Variants in SLIT3 observed in about 807,000 individuals in gnomAD.
The protein encoded by SLIT3 is slit homolog 3 protein.
Under a neutral mutation model 184.0 loss-of-function variants are expected in SLIT3, and 68 were observed. That is an observed-to-expected ratio of 0.37 (90% CI 0.30 to 0.45). The LOEUF (loss-of-function observed/expected upper bound fraction) is 0.45. SLIT3 is among the 20% of genes least tolerant of loss of function. The pLI is 1.00. For synonymous variants in SLIT3, 831 were observed against 828.6 expected, an observed-to-expected ratio of 1.00 and a Z score of -0.05; for missense variants, 1,707 against 2,026.0, an observed-to-expected ratio of 0.84 and a Z score of 3.02.
At chr5:169,251,702 T>A (rs1441043152) in intron 1 of SLIT3, among the ~76,000 whole-genome samples, 1 of 152,166 alleles carries the variant, frequency 6.6e-6, no homozygotes, top group Non-Finnish European at 1.5e-5. Flanking sequence ...CTTCTTTAGG[T>A]AACAAATTTT....
chr5:168,832,479 G>A (rs982785855), intron 6 of SLIT3, among the ~76,000 whole-genome samples: 3 of 152,204 alleles, frequency 2.0e-5, no homozygotes, highest in Non-Finnish European at 2.9e-5. Flanking sequence ...TTTACTGAAT[G>A]GGCTGGCGAA....
Position 169,185,211 on chromosome 5 carries a change from C to T in SLIT3, c.413+8268G>A, listed in dbSNP as rs115452718. 8.9e-3 allele frequency among the ~76,000 whole-genome samples: 1,356 copies of T among 152,288 alleles called. 20 individuals are homozygous for T. Among genetic ancestry groups the T allele is most frequent in the African/African-American group, 0.03 (1,260 of 41,560 alleles). ...GATGACATGTGCCATAAAGCAAACA[C>T]AAGGCTGGCCTCACTGCAGTGTTCA... is the stretch of plus-strand genomic sequence containing the variant. On this transcript the variant is annotated intron_variant, in intron 4 of 35. Transcript: ENST00000519560.
chr5:168,817,547 C>G, intron 7 of SLIT3, 84 bp from the exon 8 acceptor site: 6 of 1,298,692 alleles, frequency 4.6e-6, no homozygotes, highest in Non-Finnish European at 4.4e-6. Flanking sequence ...GACCAAAACC[C>G]CTGTTGCCCC....
chr5:169,180,075 G>A (rs78641792), intron 4 of SLIT3, among the ~76,000 whole-genome samples: 9,339 of 152,256 alleles, frequency 0.061, 387 homozygotes, highest in Non-Finnish European at 0.082. Flanking sequence ...CTTGTAGACA[G>A]TGACCAATGA....
At chr5:169,000,615 A>G (rs1320585690) in intron 4 of SLIT3, among the ~76,000 whole-genome samples, 1 of 152,204 alleles carries the variant, frequency 6.6e-6, no homozygotes, top group Non-Finnish European at 1.5e-5. Flanking sequence ...TAAGGGTGTT[A>G]GAAGTCAGAG....
intron 16 of SLIT3, among the ~76,000 whole-genome samples, chr5:168,757,212 G>T (rs1489671922): frequency 6.6e-6 from 1 of 152,166 alleles, no homozygotes; most frequent in African/African-American, 2.4e-5. Context: ...CACCCAGGGG[G>T]CTTCTCTCCA....
At chr5:169,206,221 C>T (rs1260241165) in intron 3 of SLIT3, among the ~76,000 whole-genome samples, 2 of 152,144 alleles carry the variant, frequency 1.3e-5, no homozygotes, top group Admixed American at 6.5e-5. Flanking sequence ...CTTGGGCAGC[C>T]TGTGGTTAAT....
chr5:169,018,607 G>A (rs866505361), intron 4 of SLIT3: 1 of 152,236 alleles, frequency 6.6e-6, no homozygotes, highest in African/African-American at 2.4e-5. Context: ...GTGAGCGCAA[G>A]AGTCCTATCG....
intron 3 of SLIT3, among the ~76,000 whole-genome samples, chr5:169,198,953 TACACAC>T (rs58669966): frequency 1.4e-5 from 2 of 142,166 alleles, no homozygotes; most frequent in South Asian, 2.3e-4. Context: ...AAACAAACTA[TACACAC>T]ACACACACAC....
intron 1 of SLIT3, among the ~76,000 whole-genome samples, chr5:169,265,584 T>C (rs1449811740): frequency 6.6e-6 from 1 of 152,226 alleles, no homozygotes; most frequent in Non-Finnish European, 1.5e-5. Context: ...TCAGATAGCC[T>C]GGGCTCAAAT....
At chr5:168,858,943 T>A (rs1338130626) in intron 5 of SLIT3, among the ~76,000 whole-genome samples, 2 of 152,322 alleles carry the variant, frequency 1.3e-5, no homozygotes, top group Admixed American at 6.5e-5. Context: ...TGGCTGCTGC[T>A]GCAACCCTTC....
intron 4 of SLIT3, among the ~76,000 whole-genome samples, chr5:169,061,957 C>A (rs1758186611): frequency 6.6e-6 from 1 of 152,144 alleles, no homozygotes; most frequent in African/African-American, 2.4e-5. Context: ...ATTTACGCCA[C>A]CCCAATCGTG....
At chr5:168,788,638 G>A (rs1196075087) in intron 11 of SLIT3, among the ~76,000 whole-genome samples, 1 of 150,128 alleles carries the variant, frequency 6.7e-6, no homozygotes, top group Admixed American at 6.7e-5. Flanking sequence ...CACAGTTTGT[G>A]GTACTAGGGA....
In SLIT3 at chr5:168,696,354, T is replaced by A; in HGVS notation, c.3020A>T (p.Asn1007Ile). 6.2e-7 allele frequency: 1 copy of A among 1,614,132 alleles called. No homozygotes were observed. The highest frequency in any genetic ancestry group is 8.5e-7 in the Non-Finnish European group (1 of 1,180,018). ...GATCCCGTCCACGCAGGTGGCATTG[T>A]TTTCGCAGTCGTTGTCCTCACAGTC... The part of the protein sequence containing the change: ...PDDCEDNDCE[N>I]NATCVDGINN... Residue 1007 changes from asparagine (N) to isoleucine (I), a missense_variant, in exon 28 of 36, where the codon AAC (asparagine) becomes ATC (isoleucine). Coordinates refer to ENST00000519560, the MANE Select transcript of SLIT3 (RefSeq NM_003062.4).
intron 4 of SLIT3, among the ~76,000 whole-genome samples, chr5:169,092,066 T>TAC (rs1244202946): frequency 6.6e-6 from 1 of 152,056 alleles, no homozygotes; most frequent in African/African-American, 2.4e-5. Context: ...TACTAAAAAA[T>TAC]ACACAAATTA....
At chr5:168,754,163 T>C (rs870723) in intron 16 of SLIT3, among the ~76,000 whole-genome samples, 156 bp from the exon 17 acceptor site, 11,389 of 152,222 alleles carry the variant, frequency 0.075, 555 homozygotes, top group Non-Finnish European at 0.11. Context: ...CTCCCTGAAC[T>C]TTGGTCTTCA....
rs370467648 is a variant in SLIT3 at position 168,753,879 on chromosome 5, C to T, written c.1814G>A (p.Ser605Asn). The change falls in exon 17 of 36, where the codon AGT (serine) becomes AAT (asparagine). Residue 605 changes from serine (S) to asparagine (N), a missense_variant. Coordinates refer to ENST00000519560, the MANE Select transcript of SLIT3 (RefSeq NM_003062.4). Reference protein sequence around the residue: ...TVHGRVFRGLSGLKTLMLRSN... With the variant: ...TVHGRVFRGLNGLKTLMLRSN... ...AGGCACTCACAAGGTTTTGAGGCCA[C>T]TGAGGCCACGGAACACGCGCCCGTG... 3.4e-5 allele frequency: 55 copies of T among 1,611,140 alleles called. No individual in the cohort carries two copies. The highest frequency in any genetic ancestry group is 4.0e-4 in the Middle Eastern group (2 of 4,980).
intron 23 of SLIT3, 84 bp from the exon 24 acceptor site, chr5:168,712,438 G>T: frequency 8.2e-7 from 1 of 1,223,920 alleles, no homozygotes; most frequent in Non-Finnish European, 1.2e-6. Flanking sequence ...GCCTGGCCCT[G>T]CCACCCTTCA....
intron 4 of SLIT3, among the ~76,000 whole-genome samples, chr5:169,092,135 A>G (rs914722252): frequency 6.6e-6 from 1 of 152,154 alleles, no homozygotes; most frequent in African/African-American, 2.4e-5. Flanking sequence ...AGGCAGGAGA[A>G]TCGTTTAAAC....
Sources: gnomAD v4.1 joint callset for allele counts (sites outside exome capture counted in the v4.1 genomes callset) on GRCh38, gnomAD v4.1.1 for gene constraint, MANE v1.5 for transcripts, NCBI Gene and HGNC (gene_info 2026-07-23, HGNC 2026-07-21) for gene names.